The following EPHA5 variants were observed in gnomAD, a reference collection of about 807,000 sequenced individuals.
EPHA5 encodes the protein EPH receptor A5, also known as ephrin type-A receptor 5.
EPHA5 carries 60 observed loss-of-function variants against 105.0 expected under a neutral mutation model. The observed-to-expected ratio is 0.57, with a 90% CI of 0.46 to 0.71. The LOEUF is 0.71. Ranked by LOEUF, EPHA5 falls within the 30% of genes least tolerant of loss-of-function variation. The pLI is 0.00. For missense variants in EPHA5, 1,218 were observed against 1,274.7 expected, an observed-to-expected ratio of 0.96 and a Z score of 0.68; for synonymous variants, 513 against 449.1, an observed-to-expected ratio of 1.14 and a Z score of -1.80.
intron 3 of EPHA5, among the ~76,000 whole-genome samples, chr4:65,504,809 T>C (rs1320088146): frequency 1.3e-5 from 2 of 152,022 alleles, no homozygotes; most frequent in East Asian, 3.9e-4. Context: ...AGGAACAATT[T>C]GTATAATATA....
chr4:65,498,064 G>T (rs1330678189), intron 3 of EPHA5, among the ~76,000 whole-genome samples: 2 of 151,906 alleles, frequency 1.3e-5, no homozygotes, highest in East Asian at 3.9e-4. Context: ...CTGAGTCTCT[G>T]CTTATATTTG....
intron 3 of EPHA5, among the ~76,000 whole-genome samples, chr4:65,599,845 T>G (rs888835705): frequency 6.6e-6 from 1 of 152,172 alleles, no homozygotes; most frequent in African/African-American, 2.4e-5. Context: ...AAGACTGCAT[T>G]GCATTCTGTC....
intron 5 of EPHA5, among the ~76,000 whole-genome samples, chr4:65,478,787 C>T (rs932503795): frequency 9.2e-5 from 14 of 151,844 alleles, no homozygotes; most frequent in African/African-American, 3.1e-4. Flanking sequence ...CCTGTTAATA[C>T]TATTGTTTCT....
chr4:65,354,738 T>C (rs560108054), intron 11 of EPHA5, among the ~76,000 whole-genome samples: 1 of 151,678 alleles, frequency 6.6e-6, no homozygotes, highest in South Asian at 2.1e-4. Flanking sequence ...ACTATAGATA[T>C]AGAACATATG....
At chr4:65,327,049 T>A (rs1720144857) in intron 16 of EPHA5, among the ~76,000 whole-genome samples, 1 of 151,170 alleles carries the variant, frequency 6.6e-6, no homozygotes, top group Non-Finnish European at 1.5e-5. Context: ...CTTGTTATAT[T>A]AGAGAAAAAT....
chr4:65,319,862 C>T lies in EPHA5; in HGVS notation c.*4252G>A, dbSNP rs560768779. ...AGGCTCTTATAAATGTAACTACTCA[C>T]TTTTAAATAATTGACTGTAAAACTA... On this transcript the variant is annotated 3_prime_UTR_variant, in exon 17 of 17. Coordinates refer to ENST00000613740, the MANE Select transcript of EPHA5 (RefSeq NM_001281766.3). 7.0e-5 allele frequency: 16 copies of T among 229,658 alleles called. No homozygotes were observed. The highest frequency in any genetic ancestry group is 1.3e-3 in the Middle Eastern group (1 of 768). The allele number at this position is 229,658 out of a possible 1,614,324, so 14.2% of individuals were successfully genotyped here.
intron 3 of EPHA5, among the ~76,000 whole-genome samples, chr4:65,556,813 A>G (rs1030287655): frequency 6.6e-6 from 1 of 152,100 alleles, no homozygotes; most frequent in Non-Finnish European, 1.5e-5. Context: ...GTTATGATCC[A>G]GGAAAACAAC....
intron 12 of EPHA5, among the ~76,000 whole-genome samples, chr4:65,351,837 A>G (rs1312321999): frequency 6.6e-6 from 1 of 152,042 alleles, no homozygotes; most frequent in Non-Finnish European, 1.5e-5. Context: ...AATCTTATGT[A>G]GTTGCCTTTT....
chr4:65,487,380 C>T (rs1340616878), intron 5 of EPHA5, among the ~76,000 whole-genome samples: 2 of 152,100 alleles, frequency 1.3e-5, no homozygotes. Flanking sequence ...GAAACAAATC[C>T]CCTCCTTGCT....
At chr4:65,489,176 C>T (rs912311369) in intron 5 of EPHA5, among the ~76,000 whole-genome samples, 12 of 152,038 alleles carry the variant, frequency 7.9e-5, no homozygotes, top group Non-Finnish European at 1.3e-4. Context: ...GGATTACGGG[C>T]GTGAGCCACC....
chr4:65,367,519 C>A, intron 8 of EPHA5, 95 bp from the exon 9 acceptor site: 1 of 1,126,070 alleles, frequency 8.9e-7, no homozygotes, highest in Non-Finnish European at 1.3e-6. Context: ...ATTATTGCAA[C>A]CCTAAACTGA....
chr4:65,381,097 A>ATTTCT (rs1185730267), intron 8 of EPHA5, among the ~76,000 whole-genome samples: 4 of 151,692 alleles, frequency 2.6e-5, no homozygotes, highest in Non-Finnish European at 5.9e-5. Context: ...GCACTTAGAA[A>ATTTCT]GTTTTTAAGT....
chr4:65,521,049 C>G (rs1734656195), intron 3 of EPHA5, among the ~76,000 whole-genome samples: 1 of 152,132 alleles, frequency 6.6e-6, no homozygotes, highest in Non-Finnish European at 1.5e-5. Context: ...GATTATAAAT[C>G]ATGCTGCTAT....
At chr4:65,498,103 T>C (rs1732124745) in intron 3 of EPHA5, among the ~76,000 whole-genome samples, 1 of 151,900 alleles carries the variant, frequency 6.6e-6, no homozygotes, top group African/African-American at 2.4e-5. Flanking sequence ...TTAATTTGAG[T>C]TAAAGTGTAT....
chr4:65,414,562 T>C (rs1723214755), intron 6 of EPHA5, 119 bp from the exon 7 acceptor site: 1 of 1,093,128 alleles, frequency 9.1e-7, no homozygotes, highest in Non-Finnish European at 1.3e-6. Context: ...TTAGTACAAA[T>C]ATAACATTTT....
chr4:65,331,837 A>C, intron 16 of EPHA5, 136 bp downstream of exon 16: 1 of 1,415,456 alleles, frequency 7.1e-7, no homozygotes, highest in African/African-American at 1.5e-5. Context: ...ATACAGGCTA[A>C]AGATGATGAG....
Position 65,493,394 on chromosome 4 carries a change from A to G in EPHA5, c.1066+1994T>C, listed in dbSNP as rs555715194. On this transcript the variant is annotated intron_variant, in intron 4 of 16. Coordinates refer to ENST00000613740, the MANE Select transcript of EPHA5 (RefSeq NM_001281766.3). ...TAGATTTAAAAACTTTGTATATTCT[A>G]GAAAAAAAATTTGAAGTTGGAGCTA... Among the ~76,000 whole-genome samples the G allele has an allele frequency of 2.1e-4, 31 of 146,444 alleles. No individual in the cohort carries two copies. In the South Asian group the frequency reaches 6.4e-3, roughly 30 times the overall value.
chr4:65,572,611 A>T (rs1469957957), intron 3 of EPHA5, among the ~76,000 whole-genome samples: 1 of 152,200 alleles, frequency 6.6e-6, no homozygotes, highest in African/African-American at 2.4e-5. Context: ...TGTGACTGTA[A>T]ACCTATTTAT....
At chr4:65,372,459 G>C (rs889756612) in intron 8 of EPHA5, among the ~76,000 whole-genome samples, 2 of 151,828 alleles carry the variant, frequency 1.3e-5, no homozygotes, top group Non-Finnish European at 2.9e-5. Context: ...TAGCAAAACT[G>C]TGTGAGTCAT....
Sources: allele counts gnomAD v4.1 joint callset (sites outside exome capture counted in the v4.1 genomes callset), GRCh38; gene constraint gnomAD v4.1.1; transcripts MANE v1.5; gene names NCBI Gene and HGNC (gene_info 2026-07-23, HGNC 2026-07-21).